Variants in DRC2 observed in about 807,000 individuals in gnomAD.
DRC2 encodes coiled-coil domain containing 65.
the DRC2 span, chr12:48,905,062 C>A: frequency 6.2e-7 from 1 of 1,613,894 alleles, no homozygotes; most frequent in East Asian, 2.2e-5. Context: ...ACATTGAGAT[C>A]CTCAGCCAAA....
At chr12:48,914,396 T>C in the DRC2 span, 1 of 1,586,606 alleles carries the variant, frequency 6.3e-7, no homozygotes, top group East Asian at 2.3e-5. Context: ...TCTCTCTTTC[T>C]GGCCTAGTCT....
At chr12:48,915,564 C>A in the DRC2 span, among the ~76,000 whole-genome samples, 2 of 151,942 alleles carry the variant, frequency 1.3e-5, no homozygotes, top group Admixed American at 6.6e-5. Context: ...CCCCACCTTT[C>A]CCCCCTTTCT....
At chr12:48,909,200 C>T in the DRC2 span, among the ~76,000 whole-genome samples, 67 of 152,072 alleles carry the variant, frequency 4.4e-4, no homozygotes, top group South Asian at 1.0e-3. Flanking sequence ...TGTGCCACCA[C>T]GCCCAGCTAA....
At chr12:48,912,437 C>CAAAAAAAAAAAAAAAAAAAAAAAAAAAA in the DRC2 span, among the ~76,000 whole-genome samples, 9 of 45,356 alleles carry the variant, frequency 2.0e-4, no homozygotes, top group African/African-American at 5.8e-4. Flanking sequence ...GACGCCGTCT[C>CAAAAAAAAAAAAAAAAAAAAAAAAAAAA]AAAAAAAAAA....
chr12:48,907,631 C>T, the DRC2 span, among the ~76,000 whole-genome samples: 1 of 152,196 alleles, frequency 6.6e-6, no homozygotes, highest in Admixed American at 6.5e-5. Flanking sequence ...TGATTTCTAC[C>T]CTTCTCTAGG....
At chr12:48,921,214 A>G in the DRC2 span, 11 of 1,614,226 alleles carry the variant, frequency 6.8e-6, no homozygotes, top group Admixed American at 1.7e-5. Context: ...AAAAGGTACA[A>G]CAAAGTGAAA....
chr12:48,920,675 C>T, the DRC2 span, among the ~76,000 whole-genome samples: 2 of 151,540 alleles, frequency 1.3e-5, no homozygotes, highest in Non-Finnish European at 2.9e-5. Context: ...GCATGTGCTA[C>T]CATGCCTGGC....
At chr12:48,905,196 C>T in the DRC2 span, 308 of 1,225,568 alleles carry the variant, frequency 2.5e-4, 1 homozygote, top group South Asian at 7.6e-4. Flanking sequence ...TCTTAAAGCC[C>T]TCACAAGACA....
At chr12:48,909,729 G>A in the DRC2 span, among the ~76,000 whole-genome samples, 16 of 150,780 alleles carry the variant, frequency 1.1e-4, no homozygotes, top group Admixed American at 3.3e-4. Flanking sequence ...TGCCCACTTC[G>A]GCCTCCCAAA....
chr12:48,917,156 A>G, the DRC2 span: 1 of 1,608,132 alleles, frequency 6.2e-7, no homozygotes. Context: ...GGTGATAGAA[A>G]AATGCTCAAG....
At chr12:48,905,365 T>G in the DRC2 span, among the ~76,000 whole-genome samples, 3 of 152,216 alleles carry the variant, frequency 2.0e-5, no homozygotes, top group Non-Finnish European at 4.4e-5. Flanking sequence ...TAAGGCACAG[T>G]AGACATCACC....
the DRC2 span, among the ~76,000 whole-genome samples, chr12:48,913,326 C>T: frequency 1.3e-5 from 2 of 151,100 alleles, no homozygotes; most frequent in Non-Finnish European, 2.9e-5. Context: ...TTTTTTGAGA[C>T]GGAGTCTCGC....
the DRC2 span, chr12:48,918,663 C>G: frequency 6.2e-7 from 1 of 1,605,240 alleles, no homozygotes; most frequent in Non-Finnish European, 8.5e-7. Context: ...TAGATTTCCC[C>G]TAATCTACTC....
chr12:48,919,755 G>A, the DRC2 span, among the ~76,000 whole-genome samples: 9 of 151,894 alleles, frequency 5.9e-5, no homozygotes, highest in African/African-American at 1.9e-4. Flanking sequence ...TGACCTCAGC[G>A]ATCCACCCAC....
chr12:48,921,450 A>G, the DRC2 span: 1 of 1,601,462 alleles, frequency 6.2e-7, no homozygotes, highest in Non-Finnish European at 8.6e-7. Context: ...TTAAAATATA[A>G]TTGAAGCAGC....
the DRC2 span, chr12:48,918,285 A>T: frequency 1.3e-5 from 21 of 1,613,930 alleles, no homozygotes; most frequent in Non-Finnish European, 1.8e-5. Context: ...AATTTAGAAG[A>T]GAAGCACTTT....
the DRC2 span, among the ~76,000 whole-genome samples, chr12:48,909,576 C>G: frequency 6.6e-6 from 1 of 152,090 alleles, no homozygotes; most frequent in Non-Finnish European, 1.5e-5. Flanking sequence ...CTCTCGGGTT[C>G]AAGTGATTCT....
chr12:48,915,270 G>T, the DRC2 span, among the ~76,000 whole-genome samples: 1 of 150,548 alleles, frequency 6.6e-6, no homozygotes, highest in Admixed American at 6.6e-5. Flanking sequence ...CTTCCACAGC[G>T]TTTGTGTCCC....
At chr12:48,918,774 G>T in the DRC2 span, 2 of 1,613,992 alleles carry the variant, frequency 1.2e-6, no homozygotes, top group Non-Finnish European at 8.5e-7. Context: ...ACAAGGAATT[G>T]GTCCTTGTAC....
Sources: gnomAD v4.1 joint callset for allele counts (sites outside exome capture counted in the v4.1 genomes callset) on GRCh38, gnomAD v4.1.1 for gene constraint, MANE v1.5 for transcripts, NCBI Gene and HGNC (gene_info 2026-07-23, HGNC 2026-07-21) for gene names.